Variants in GABRB2 observed in about 807,000 individuals in gnomAD.
The protein encoded by GABRB2 is gamma-aminobutyric acid receptor subunit beta-2.
A neutral mutation model predicts 54.7 loss-of-function variants in GABRB2; 16 were observed. The ratio of observed to expected loss-of-function variants is 0.29; its 90% CI spans 0.20 to 0.44. The LOEUF is 0.44. Ranked by LOEUF, GABRB2 falls within the 20% of genes least tolerant of loss-of-function variation. The probability of loss-of-function intolerance (pLI) is 1.00; values close to 1 mark genes in which losing one functional copy is unlikely to be tolerated. For missense variants in GABRB2, 355 were observed against 644.0 expected, an observed-to-expected ratio of 0.55 and a Z score of 4.86; for synonymous variants, 244 against 233.8, an observed-to-expected ratio of 1.04 and a Z score of -0.40.
upstream of GABRB2, chr5:161,547,205 G>T (rs1181791449): frequency 7.0e-6 from 1 of 143,156 alleles, no homozygotes; most frequent in Non-Finnish European, 1.5e-5. Flanking sequence ...GGGATGGGGG[G>T]GGCGGGGGTT....
At chr5:161,532,292 C>T (rs976196781) in intron 3 of GABRB2, among the ~76,000 whole-genome samples, 1 of 152,084 alleles carries the variant, frequency 6.6e-6, no homozygotes, top group African/African-American at 2.4e-5. Flanking sequence ...GTATTACCCA[C>T]TCAGTCAGTC....
At chr5:161,408,054 T>C (rs1756397084) in intron 5 of GABRB2, among the ~76,000 whole-genome samples, 3 of 152,066 alleles carry the variant, frequency 2.0e-5, no homozygotes, top group South Asian at 4.1e-4. Context: ...AAGTACTTCA[T>C]CTTGGCAGCA....
intron 9 of GABRB2, among the ~76,000 whole-genome samples, chr5:161,303,068 T>G (rs1399026572): frequency 6.6e-6 from 1 of 152,356 alleles, no homozygotes; most frequent in South Asian, 2.1e-4. Flanking sequence ...ACTTCTATTA[T>G]GCAATGATAA....
At chr5:161,388,528 A>G (rs2113497161) in intron 5 of GABRB2, among the ~76,000 whole-genome samples, 1 of 152,198 alleles carries the variant, frequency 6.6e-6, no homozygotes, top group African/African-American at 2.4e-5. Flanking sequence ...TTTAACCTAG[A>G]AGATGGATAA....
intron 9 of GABRB2, among the ~76,000 whole-genome samples, chr5:161,300,845 C>T (rs1757514887): frequency 6.6e-6 from 1 of 152,080 alleles, no homozygotes; most frequent in South Asian, 2.1e-4. Context: ...TAGCAGAGGC[C>T]AGAGAAGTAA....
chr5:161,427,290 C>A (rs1239193957), intron 4 of GABRB2, among the ~76,000 whole-genome samples: 3 of 152,046 alleles, frequency 2.0e-5, no homozygotes, highest in Admixed American at 2.0e-4. Flanking sequence ...TGCAATGGAC[C>A]AAACAGGAAG....
intron 2 of GABRB2, among the ~76,000 whole-genome samples, chr5:161,545,867 A>G (rs770729348): frequency 4.6e-5 from 7 of 152,114 alleles, no homozygotes; most frequent in Non-Finnish European, 8.8e-5. Context: ...TCCAGACATG[A>G]GCCACTGTAA....
chr5:161,499,229 A>C (rs907561634), intron 3 of GABRB2, among the ~76,000 whole-genome samples: 18 of 152,154 alleles, frequency 1.2e-4, no homozygotes, highest in African/African-American at 4.3e-4. Context: ...AATATAATTC[A>C]AAATAGAAAA....
At chr5:161,545,822 C>A (rs1160935587) in intron 2 of GABRB2, among the ~76,000 whole-genome samples, 3 of 152,158 alleles carry the variant, frequency 2.0e-5, no homozygotes, top group Non-Finnish European at 4.4e-5. Flanking sequence ...CCCCAGTCCT[C>A]CCCATTTCTG....
At chr5:161,517,528 G>A (rs917799106) in intron 3 of GABRB2, among the ~76,000 whole-genome samples, 2 of 152,068 alleles carry the variant, frequency 1.3e-5, no homozygotes, top group Non-Finnish European at 2.9e-5. Flanking sequence ...CTTTTTTAAT[G>A]TATGTGCATC....
chr5:161,460,258 T>TTA (rs148478159), intron 3 of GABRB2, among the ~76,000 whole-genome samples: 4,823 of 148,660 alleles, frequency 0.032, 120 homozygotes, highest in African/African-American at 0.069. Context: ...GAAAACAAAT[T>TTA]TATATATATA....
rs1757267252 is a variant in GABRB2 at position 161,292,569 on chromosome 5, T to C, written c.*1512A>G. The C allele has an allele frequency of 6.6e-6, 1 of 152,216 alleles. No homozygotes were observed. The highest frequency in any genetic ancestry group is 2.4e-5 in the African/African-American group (1 of 41,468). The allele number at this position is 152,216 out of a possible 1,614,324, so 9.4% of individuals were successfully genotyped here. ...AGAAAAAAAATACATCATGCCTGCC[T>C]GATTAACAGTTATATATTTTTCTGC... On this transcript the variant is annotated 3_prime_UTR_variant, in exon 10 of 10. Coordinates refer to ENST00000393959, the MANE Select transcript of GABRB2 (RefSeq NM_001371727.1).
intron 5 of GABRB2, among the ~76,000 whole-genome samples, chr5:161,349,171 C>A (rs997524501): frequency 2.0e-5 from 3 of 151,934 alleles, no homozygotes; most frequent in Admixed American, 2.0e-4. Flanking sequence ...AAAGCCTTGA[C>A]CAATATTTAT....
At chr5:161,384,291 A>ATAT (rs1254400756) in intron 5 of GABRB2, among the ~76,000 whole-genome samples, 1 of 152,204 alleles carries the variant, frequency 6.6e-6, no homozygotes, top group Admixed American at 6.5e-5. Flanking sequence ...TCACAGAGAT[A>ATAT]AACGTCTTGT....
intron 4 of GABRB2, among the ~76,000 whole-genome samples, chr5:161,420,105 T>C (rs559075437): frequency 2.0e-5 from 3 of 152,352 alleles, no homozygotes; most frequent in Admixed American, 6.5e-5. Flanking sequence ...ATATGCCAGA[T>C]ACTTTTTATT....
intron 4 of GABRB2, among the ~76,000 whole-genome samples, chr5:161,432,842 C>A (rs1049360416): frequency 8.6e-5 from 13 of 151,978 alleles, no homozygotes. Context: ...CTGGCTTTGC[C>A]TGTTTTTGTA....
intron 4 of GABRB2, among the ~76,000 whole-genome samples, chr5:161,437,450 C>T (rs1757344000): frequency 6.6e-6 from 1 of 152,112 alleles, no homozygotes; most frequent in Admixed American, 6.6e-5. Context: ...CAGCATTCAT[C>T]ACTTGCTAAC....
At chr5:161,547,687 C>T (rs1331756346), upstream of GABRB2, among the ~76,000 whole-genome samples, 1 of 152,038 alleles carries the variant, frequency 6.6e-6, no homozygotes, top group African/African-American at 2.4e-5. Flanking sequence ...GGAGATGGGA[C>T]GTGGAGGCGT....
intron 5 of GABRB2, among the ~76,000 whole-genome samples, chr5:161,394,817 G>T (rs961767336): frequency 6.6e-6 from 1 of 151,948 alleles, no homozygotes; most frequent in Non-Finnish European, 1.5e-5. Flanking sequence ...TCAGAAAATA[G>T]AGAAGGAAGA....
Sources: allele counts gnomAD v4.1 joint callset (sites outside exome capture counted in the v4.1 genomes callset), GRCh38; gene constraint gnomAD v4.1.1; transcripts MANE v1.5; gene names NCBI Gene and HGNC (gene_info 2026-07-23, HGNC 2026-07-21).